RFTN1: variants seen among roughly 807,000 people sequenced by gnomAD.
RFTN1 encodes raftlin.
In RFTN1, 26 loss-of-function variants were observed where a neutral mutation model predicts 46.5. The ratio of observed to expected loss-of-function variants is 0.56; its 90% CI spans 0.41 to 0.78. RFTN1 has a LOEUF of 0.78. Ranked by LOEUF, RFTN1 falls within the 30% of genes least tolerant of loss-of-function variation. RFTN1 has a pLI of 0.00. For missense variants in RFTN1, 693 were observed against 718.7 expected (o/e 0.96, Z 0.41); for synonymous variants, 261 against 284.2 (o/e 0.92, Z 0.82).
intron 4 of RFTN1, among the ~76,000 whole-genome samples, chr3:16,403,543 G>GAGAC (rs55677842): frequency 0.55 from 32,207 of 58,812 alleles, 11,631 homozygotes; most frequent in African/African-American, 0.75. Context: ...CAGCATATGA[G>GAGAC]AGACAGAGAC....
At chr3:16,464,818 C>CA (rs1321269003) in intron 2 of RFTN1, among the ~76,000 whole-genome samples, 2 of 152,220 alleles carry the variant, frequency 1.3e-5, no homozygotes, top group African/African-American at 4.8e-5. Context: ...CCACAAAGCC[C>CA]AAAATATTTA....
At chr3:16,404,874 A>G (rs1199640368) in intron 4 of RFTN1, among the ~76,000 whole-genome samples, 1 of 152,070 alleles carries the variant, frequency 6.6e-6, no homozygotes, top group Non-Finnish European at 1.5e-5. Context: ...TAGCAGTTCC[A>G]GCCCCTGGAC....
At chr3:16,365,653 G>A (rs2073116304) in intron 6 of RFTN1, among the ~76,000 whole-genome samples, 1 of 152,182 alleles carries the variant, frequency 6.6e-6, no homozygotes, top group African/African-American at 2.4e-5. Flanking sequence ...AGACATCTGG[G>A]TGTCATGTGA....
rs1456623335 is a variant in RFTN1, at chr3:16,437,666, A to C, written c.146-3629T>G. ...GACAGAGTTACTAAATAAATAAATA[A>C]ATAAATAAATAAAAGATAGGATCGG... On this transcript the variant is annotated intron_variant, in intron 2 of 9. Transcript: ENST00000334133. 2.0e-5 allele frequency among the ~76,000 whole-genome samples: 3 copies of C among 152,074 alleles called. No homozygotes were observed. In the South Asian group the frequency reaches 6.2e-4, roughly 32 times the overall value.
chr3:16,374,526 C>CT lies in RFTN1; in HGVS notation c.826+3191dup, dbSNP rs1176096569. Among the ~76,000 whole-genome samples the CT allele has an allele frequency of 6.6e-6, 1 of 152,166 alleles. No homozygotes were observed. The highest frequency in any genetic ancestry group is 2.4e-5 in the African/African-American group (1 of 41,426). ...ATGAGCTGGCAGCCAGGGAGGGCTA[C>CT]TGAATAAAATCCTCTCAGCCAGAAA... On this transcript the variant is annotated intron_variant, in intron 5 of 9. Coordinates refer to ENST00000334133, the MANE Select transcript of RFTN1 (RefSeq NM_015150.2). This position sits in a 1 kb window ranked among gnomAD's most constrained non-coding sequence, Gnocchi z 5.4.
In RFTN1 at chr3:16,384,591, A is replaced by G. The variant is rs1327513380; in HGVS notation, c.442-6489T>C. Among the ~76,000 whole-genome samples, 3 of 152,212 alleles carry G rather than the reference A, an allele frequency of 2.0e-5. No homozygotes were observed. Among genetic ancestry groups the G allele is most frequent in the Non-Finnish European group, 2.9e-5 (2 of 68,042 alleles). ...ACACCAGGTAAGGGAGGTTGTATCT[A>G]TAACTGATGGATTTATTTTCTACAA... On this transcript the variant is annotated intron_variant, in intron 4 of 9. Coordinates refer to ENST00000334133, the MANE Select transcript of RFTN1 (RefSeq NM_015150.2). This position sits in a 1 kb window ranked among gnomAD's most constrained non-coding sequence, Gnocchi z 4.7.
Position 16,473,540 on chromosome 3 carries a change from ACAGG to A in RFTN1, c.145+20181_145+20184del, listed in dbSNP as rs1023057524. Among the ~76,000 whole-genome samples the A allele has an allele frequency of 6.6e-6, 1 of 151,708 alleles. No homozygotes were observed. The highest frequency in any genetic ancestry group is 6.6e-5 in the Admixed American group (1 of 15,246). ...CTCAGCCTCCCAAGGAGCTGGGACT[ACAGG>A]CATGCACCGCCCTGCCTGGCTAATT... On this transcript the variant is annotated intron_variant, in intron 2 of 9. Transcript: ENST00000334133. This position sits in a 1 kb window ranked among gnomAD's most constrained non-coding sequence, Gnocchi z 5.3.
rs2072191512 is a variant in RFTN1 at position 16,352,870 on chromosome 3, G to A, written c.1146+5062C>T. 6.6e-6 allele frequency among the ~76,000 whole-genome samples: 1 copy of A among 152,222 alleles called. No homozygotes were observed. Among genetic ancestry groups the A allele is most frequent in the Non-Finnish European group, 1.5e-5 (1 of 68,036 alleles). On this transcript the variant is annotated intron_variant, in intron 7 of 9. Coordinates refer to ENST00000334133, the MANE Select transcript of RFTN1 (RefSeq NM_015150.2). The surrounding 1 kb of genome is among the most constrained non-coding windows in gnomAD (Gnocchi z 4.6). Reference sequence around the variant, plus strand: ...CTGTCACTCAGCTTGGAATCAGAGAGGCAGGATGCACACTCAGGCCAGACT... The same window carrying A: ...CTGTCACTCAGCTTGGAATCAGAGAAGCAGGATGCACACTCAGGCCAGACT...
chr3:16,436,359 T>A (rs200194619), intron 2 of RFTN1, among the ~76,000 whole-genome samples: 21 of 75,758 alleles, frequency 2.8e-4, no homozygotes, highest in African/African-American at 3.5e-4. Context: ...AAAAAAAAAA[T>A]TTTTTTTTTT....
intron 1 of RFTN1, among the ~76,000 whole-genome samples, chr3:16,511,407 A>T (rs927993044): frequency 6.6e-6 from 1 of 152,208 alleles, no homozygotes; most frequent in Non-Finnish European, 1.5e-5. Flanking sequence ...CATCAGCTGG[A>T]CTTATGGATG....
In RFTN1 at chr3:16,481,506, A is replaced by G. The variant is rs1187961540; in HGVS notation, c.145+12219T>C. 1.3e-5 allele frequency among the ~76,000 whole-genome samples: 2 copies of G among 152,312 alleles called. No individual in the cohort carries two copies. Among genetic ancestry groups the G allele is most frequent in the South Asian group, 2.1e-4 (1 of 4,824 alleles). On this transcript the variant is annotated intron_variant, in intron 2 of 9. Coordinates refer to ENST00000334133, the MANE Select transcript of RFTN1 (RefSeq NM_015150.2). This position sits in a 1 kb window ranked among gnomAD's most constrained non-coding sequence, Gnocchi z 5.1. ...CATTGACTTCCTTGCATGAATCTCA[A>G]AAACAAAAACCAACTCTTAGCAATT...
rs1193604618 is a variant in RFTN1, at chr3:16,427,911, T to C, written c.332+5940A>G. Among the ~76,000 whole-genome samples the C allele has an allele frequency of 1.3e-5, 2 of 152,110 alleles. No individual in the cohort carries two copies. Among genetic ancestry groups the C allele is most frequent in the African/African-American group, 4.8e-5 (2 of 41,404 alleles). On this transcript the variant is annotated intron_variant, in intron 3 of 9. Transcript: ENST00000334133. The surrounding 1 kb of genome is among the most constrained non-coding windows in gnomAD (Gnocchi z 5.4). ...CCCATCATGCCCAACCTAGAGCAAA[T>C]GACAGCCGCAGAGCCTCCTCTTCTA...
intron 6 of RFTN1, among the ~76,000 whole-genome samples, chr3:16,368,211 A>T (rs2073319939): frequency 6.6e-6 from 1 of 152,156 alleles, no homozygotes; most frequent in African/African-American, 2.4e-5. Flanking sequence ...AGTTGGCCCC[A>T]AGCATGTACC....
chr3:16,485,400 C>T (rs1027685615), intron 2 of RFTN1, among the ~76,000 whole-genome samples: 1 of 152,182 alleles, frequency 6.6e-6, no homozygotes, highest in African/African-American at 2.4e-5. Context: ...ATATATACAA[C>T]AGCAAGGACT....
chr3:16,427,620 C>T lies in RFTN1; in HGVS notation c.332+6231G>A, dbSNP rs147118342. On this transcript the variant is annotated intron_variant, in intron 3 of 9. Transcript: ENST00000334133. This position sits in a 1 kb window ranked among gnomAD's most constrained non-coding sequence, Gnocchi z 5.4. ...GTCAATTTGGGATGAAGCAGCTCAC[C>T]GTAACTCTCAACAACCCACTGCATC... Among the ~76,000 whole-genome samples, 64 of 152,252 alleles carry T rather than the reference C, an allele frequency of 4.2e-4. No homozygotes were observed. The highest frequency in any genetic ancestry group is 1.4e-3 in the Admixed American group (22 of 15,302).
At position 16,418,169 on chromosome 3, in the gene RFTN1, C is replaced by G. The variant is rs994365323; in HGVS notation, c.333-8686G>C. 6.6e-6 allele frequency among the ~76,000 whole-genome samples: 1 copy of G among 152,178 alleles called. No individual in the cohort carries two copies. Among genetic ancestry groups the G allele is most frequent in the Admixed American group, 6.5e-5 (1 of 15,280 alleles). ...CAGGCAAAACAGTTAACCCTCAAATCACTGACAAAGTGCCAAGTAGTAAGT... is the reference window on the plus strand; with the variant it reads ...CAGGCAAAACAGTTAACCCTCAAATGACTGACAAAGTGCCAAGTAGTAAGT... On this transcript the variant is annotated intron_variant, in intron 3 of 9. Transcript: ENST00000334133. This position sits in a 1 kb window ranked among gnomAD's most constrained non-coding sequence, Gnocchi z 5.0.
rs961718673 is a variant in RFTN1 at position 16,336,355 on chromosome 3, C to A, written c.1147-9479G>T. 1.3e-5 allele frequency among the ~76,000 whole-genome samples: 2 copies of A among 152,114 alleles called. No homozygotes were observed. The highest frequency in any genetic ancestry group is 1.3e-4 in the Admixed American group (2 of 15,284). ...GGAGAACAAGCACATGGTTCCCATCCAGTGGAGCCCATGGAGGTGAGGTGG... is the reference window on the plus strand; with the variant it reads ...GGAGAACAAGCACATGGTTCCCATCAAGTGGAGCCCATGGAGGTGAGGTGG... On this transcript the variant is annotated intron_variant, in intron 7 of 9. Coordinates refer to ENST00000334133, the MANE Select transcript of RFTN1 (RefSeq NM_015150.2). This position sits in a 1 kb window ranked among gnomAD's most constrained non-coding sequence, Gnocchi z 6.0.
At chr3:16,367,312 C>G (rs1337511440) in intron 6 of RFTN1, among the ~76,000 whole-genome samples, 1 of 151,948 alleles carries the variant, frequency 6.6e-6, no homozygotes, top group African/African-American at 2.4e-5. Context: ...GGGAAAAGAT[C>G]ACACACGTAT....
rs1052694794 is a variant in RFTN1, at chr3:16,448,826, C to T, written c.146-14789G>A. 1.3e-5 allele frequency among the ~76,000 whole-genome samples: 2 copies of T among 152,174 alleles called. No homozygotes were observed. Among genetic ancestry groups the T allele is most frequent in the East Asian group, 3.9e-4 (2 of 5,190 alleles). On this transcript the variant is annotated intron_variant, in intron 2 of 9. Transcript: ENST00000334133. The surrounding 1 kb of genome is among the most constrained non-coding windows in gnomAD (Gnocchi z 4.1). The stretch of plus-strand genomic sequence containing the variant: ...GGATTACAGGCTGCGACTCACTGCT[C>T]TAGCAAAACTAGAAATAACTGCTGG...
Sources: gnomAD v4.1 joint callset for allele counts (sites outside exome capture counted in the v4.1 genomes callset) on GRCh38, gnomAD v4.1.1 for gene constraint, Gnocchi (gnomAD v3.1) non-coding constraint, MANE v1.5 for transcripts, NCBI Gene and HGNC (gene_info 2026-07-23, HGNC 2026-07-21) for gene names.